Variants in LARGE1 observed in about 807,000 individuals in gnomAD.
LARGE1 encodes xylosyl- and glucuronyltransferase LARGE1.
In LARGE1, 43 loss-of-function variants were observed where a neutral mutation model predicts 87.6. The observed-to-expected ratio is 0.49, with a 90% confidence interval of 0.38 to 0.63. The LOEUF (loss-of-function observed/expected upper bound fraction) is 0.63, where lower values mean the gene tolerates loss of function less well. Ranked by LOEUF, LARGE1 falls within the 30% of genes least tolerant of loss-of-function variation. The pLI is 0.00. For missense variants in LARGE1, 802 were observed against 1,000.2 expected (o/e 0.80, Z 2.67); for synonymous variants, 434 against 394.6 (o/e 1.10, Z -1.18).
the LARGE1 span, among the ~76,000 whole-genome samples, chr22:33,110,217 C>G: frequency 6.6e-6 from 1 of 152,174 alleles, no homozygotes; most frequent in South Asian, 2.1e-4. Flanking sequence ...ATGTCTACCC[C>G]ACACCATCTG....
At chr22:33,644,823 A>G (rs180772100) in intron 3 of LARGE1, among the ~76,000 whole-genome samples, 53 of 152,324 alleles carry the variant, frequency 3.5e-4, no homozygotes, top group African/African-American at 1.2e-3. Flanking sequence ...TGCTACAAAG[A>G]ACATAAAATA....
chr22:33,349,132 G>A (rs74479518), intron 9 of LARGE1, among the ~76,000 whole-genome samples: 4 of 152,096 alleles, frequency 2.6e-5, no homozygotes, highest in African/African-American at 9.7e-5. Context: ...GAAGTATGAA[G>A]ATGGACGAAT....
At chr22:33,876,306 G>A (rs1044843912) in intron 1 of LARGE1, among the ~76,000 whole-genome samples, 13 of 152,128 alleles carry the variant, frequency 8.5e-5, no homozygotes, top group Non-Finnish European at 1.8e-4. Context: ...GTGGGCCCAC[G>A]AAGGTAATTT....
chr22:33,519,464 A>G (rs999234248), intron 6 of LARGE1, among the ~76,000 whole-genome samples: 2 of 152,132 alleles, frequency 1.3e-5, no homozygotes, highest in Admixed American at 6.6e-5. Flanking sequence ...TGTTACCTCT[A>G]AAACGCATCT....
At chr22:33,298,911 A>AAG (rs10679072) in intron 12 of LARGE1, among the ~76,000 whole-genome samples, 53,555 of 151,406 alleles carry the variant, frequency 0.35, 10,998 homozygotes, top group African/African-American at 0.57. Context: ...GAAAAAAGGA[A>AAG]AGAGAGAGAG....
chr22:33,794,454 C>G (rs531053002), intron 1 of LARGE1, among the ~76,000 whole-genome samples: 92 of 152,308 alleles, frequency 6.0e-4, no homozygotes, highest in Admixed American at 1.4e-3. Context: ...TACCAGAAGC[C>G]AGGCAACTGT....
intron 9 of LARGE1, among the ~76,000 whole-genome samples, chr22:33,369,718 A>G (rs1436205712): frequency 6.6e-6 from 1 of 152,048 alleles, no homozygotes; most frequent in South Asian, 2.1e-4. Context: ...ACAGGTGCAC[A>G]TCACCACACC....
intron 6 of LARGE1, among the ~76,000 whole-genome samples, chr22:33,451,605 C>G (rs1016185361): frequency 1.4e-4 from 21 of 150,540 alleles, no homozygotes; most frequent in African/African-American, 4.9e-4. Context: ...TGTCGCCAGG[C>G]TGGAGTGCAG....
At chr22:33,108,591 T>A in the LARGE1 span, 6 of 151,942 alleles carry the variant, frequency 3.9e-5, no homozygotes, top group Non-Finnish European at 7.4e-5. Context: ...AAAGCTGAAG[T>A]TTTTCTTTGG....
At chr22:33,200,798 C>T (rs887456479) in intron 11 of LARGE1, among the ~76,000 whole-genome samples, 2 of 152,138 alleles carry the variant, frequency 1.3e-5, no homozygotes, top group African/African-American at 4.8e-5. Flanking sequence ...TTTTCAGGAG[C>T]TGAGCAAAGG....
chr22:33,379,142 C>T (rs1285103269), intron 9 of LARGE1, among the ~76,000 whole-genome samples: 1 of 150,478 alleles, frequency 6.6e-6, no homozygotes, highest in Non-Finnish European at 1.5e-5. Flanking sequence ...CCTGCCTTCC[C>T]AGAGGTCCAT....
the LARGE1 span, among the ~76,000 whole-genome samples, chr22:33,118,932 C>T: frequency 6.6e-6 from 1 of 152,182 alleles, no homozygotes; most frequent in Non-Finnish European, 1.5e-5. Context: ...TTTTGAATCT[C>T]GTCTAAGTTG....
chr22:33,773,885 T>G (rs753451527), intron 1 of LARGE1, among the ~76,000 whole-genome samples: 4 of 152,214 alleles, frequency 2.6e-5, no homozygotes, highest in Non-Finnish European at 4.4e-5. Context: ...TAAAATAAAT[T>G]GATTGACTAT....
intron 7 of LARGE1, among the ~76,000 whole-genome samples, chr22:33,427,245 T>C (rs2066910825): frequency 6.6e-6 from 1 of 152,206 alleles, no homozygotes; most frequent in African/African-American, 2.4e-5. Context: ...TGTGCAAGAC[T>C]GTGAAAGACG....
chr22:33,694,143 G>A (rs1194010619), intron 2 of LARGE1, among the ~76,000 whole-genome samples: 1 of 152,228 alleles, frequency 6.6e-6, no homozygotes, highest in African/African-American at 2.4e-5. Flanking sequence ...TGTTAGGAAA[G>A]AGCTCTCATT....
intron 1 of LARGE1, among the ~76,000 whole-genome samples, chr22:33,857,336 G>A (rs2063784325): frequency 6.6e-6 from 1 of 152,196 alleles, no homozygotes; most frequent in African/African-American, 2.4e-5. Context: ...AATCCATTGG[G>A]AGCTTTTGAT....
At chr22:33,072,546 A>G in the LARGE1 span, among the ~76,000 whole-genome samples, 2 of 152,152 alleles carry the variant, frequency 1.3e-5, no homozygotes, top group African/African-American at 4.8e-5. Flanking sequence ...ATCATTTGGG[A>G]AGCTCATAAA....
chr22:33,708,937 G>T (rs8135841), intron 2 of LARGE1, among the ~76,000 whole-genome samples: 31,099 of 152,092 alleles, frequency 0.2, 3,355 homozygotes, highest in African/African-American at 0.24. Flanking sequence ...TTGGCCTGCA[G>T]CTGGCCATCT....
At chr22:33,431,054 C>T (rs2067061841) in intron 7 of LARGE1, among the ~76,000 whole-genome samples, 1 of 152,188 alleles carries the variant, frequency 6.6e-6, no homozygotes, top group South Asian at 2.1e-4. Context: ...TCCTACTGTT[C>T]CCTGAGTTCC....
Sources: allele counts gnomAD v4.1 joint callset (sites outside exome capture counted in the v4.1 genomes callset), GRCh38; gene constraint gnomAD v4.1.1; transcripts MANE v1.5; gene names NCBI Gene and HGNC (gene_info 2026-07-23, HGNC 2026-07-21).